EMP2: variants seen among roughly 807,000 people sequenced by gnomAD.
The protein encoded by EMP2 is epithelial membrane protein 2.
EMP2 carries 19 observed loss-of-function variants against 13.7 expected under a neutral mutation model. That is an observed-to-expected ratio of 1.38 (90% CI 0.97 to 2.03). The LOEUF (loss-of-function observed/expected upper bound fraction) is 2.03, where lower values mean the gene tolerates loss of function less well. Ranked by LOEUF, EMP2 falls within the 30% of genes most tolerant of loss-of-function variation. EMP2 has a pLI of 0.00. For missense variants in EMP2, 253 were observed against 220.7 expected (o/e 1.15, Z -0.93); for synonymous variants, 97 against 84.7 (o/e 1.15, Z -0.80).
chr16:10,555,733 A>C (rs1002435292), intron 1 of EMP2, among the ~76,000 whole-genome samples: 1 of 152,036 alleles, frequency 6.6e-6, no homozygotes, highest in Non-Finnish European at 1.5e-5. Flanking sequence ...GATTACAGGC[A>C]TGCGCCACCA....
chr16:10,556,186 C>T (rs1251100399), intron 1 of EMP2, among the ~76,000 whole-genome samples: 1 of 152,168 alleles, frequency 6.6e-6, no homozygotes, highest in East Asian at 1.9e-4. Context: ...TTTCCCCTAG[C>T]ATTTCCAGTT....
intron 4 of EMP2, among the ~76,000 whole-genome samples, chr16:10,537,332 C>T (rs2050655020): frequency 6.6e-6 from 1 of 152,236 alleles, no homozygotes; most frequent in African/African-American, 2.4e-5. Flanking sequence ...TGAGGCTGTG[C>T]CTTGTTCATC....
chr16:10,576,767 A>C (rs1041059683), intron 1 of EMP2: 1 of 152,184 alleles, frequency 6.6e-6, no homozygotes, highest in African/African-American at 2.4e-5. Flanking sequence ...CTCATTAAGC[A>C]CCGGAGATAC....
rs530179039 is a variant in EMP2, at chr16:10,570,321, C to A, written c.-61+10228G>T. On this transcript the variant is annotated intron_variant, in intron 1 of 4. Transcript: ENST00000359543. ...GCTCACTGTAGCCTTGAATTCCTAG[C>A]CTCAAGCAATCCTCCCACCTTAGCC... 9.9e-5 allele frequency among the ~76,000 whole-genome samples: 15 copies of A among 151,640 alleles called. 1 individual carries two copies. The highest frequency in any genetic ancestry group is 3.4e-4 in the African/African-American group (14 of 41,342).
intron 1 of EMP2, among the ~76,000 whole-genome samples, chr16:10,549,877 C>CTTTTTCTTTTTTTTTTTTTTTTTTTTT (rs1567204707): frequency 7.3e-6 from 1 of 137,236 alleles, no homozygotes; most frequent in Non-Finnish European, 1.6e-5. Flanking sequence ...CTTTTTTTTT[C>CTTTTTCTTTTTTTTTTTTTTTTTTTTT]TTTTTCTTTT....
intron 1 of EMP2, among the ~76,000 whole-genome samples, chr16:10,579,188 C>T (rs2051004747): frequency 6.6e-6 from 1 of 152,180 alleles, no homozygotes; most frequent in Non-Finnish European, 1.5e-5. Context: ...GGTCGCCATC[C>T]TTCCCCTTGT....
In EMP2 at chr16:10,580,340, G is replaced by C. The variant is rs567970935; in HGVS notation, c.-61+209C>G. On this transcript the variant is annotated intron_variant, in intron 1 of 4. Transcript: ENST00000359543. The surrounding 1 kb of genome is among the most constrained non-coding windows in gnomAD (Gnocchi z 4.3). The stretch of plus-strand genomic sequence containing the variant: ...AGGCGTGGGAAGCTGTCCCGGGATG[G>C]CGAAGTGGAATTCTGGGGCCGGAGC... Among the ~76,000 whole-genome samples the C allele has an allele frequency of 1.2e-4, 18 of 152,236 alleles. No homozygotes were observed. Among genetic ancestry groups the C allele is most frequent in the Admixed American group, 9.8e-4 (15 of 15,294 alleles).
At chr16:10,554,701 A>G (rs189096699) in intron 1 of EMP2, among the ~76,000 whole-genome samples, 1 of 152,032 alleles carries the variant, frequency 6.6e-6, no homozygotes, top group African/African-American at 2.4e-5. Flanking sequence ...CCCAACCCCT[A>G]TGCCTGCCCT....
At chr16:10,540,772 G>C (rs1182398592) in intron 3 of EMP2, among the ~76,000 whole-genome samples, 2 of 152,116 alleles carry the variant, frequency 1.3e-5, no homozygotes, top group African/African-American at 4.8e-5. Flanking sequence ...AGTGATACTA[G>C]TTTATACGAG....
chr16:10,577,111 G>T (rs186686447), intron 1 of EMP2, among the ~76,000 whole-genome samples: 1 of 152,164 alleles, frequency 6.6e-6, no homozygotes, highest in Non-Finnish European at 1.5e-5. Flanking sequence ...CTAGTCCTGG[G>T]TCGGCTGCCA....
chr16:10,557,526 G>T (rs77293526), intron 1 of EMP2, among the ~76,000 whole-genome samples: 1 of 152,024 alleles, frequency 6.6e-6, no homozygotes. Context: ...TTTTTCCTTG[G>T]TATCTAAAAG....
At chr16:10,547,764 G>T in intron 1 of EMP2, 87 bp from the exon 2 acceptor site, 1 of 744,574 alleles carries the variant, frequency 1.3e-6, no homozygotes, top group Non-Finnish European at 2.2e-6. Context: ...AGCTGGGCGT[G>T]GTGGCTCATG....
At chr16:10,561,152 C>A in intron 1 of EMP2, among the ~76,000 whole-genome samples, 1 of 152,184 alleles carries the variant, frequency 6.6e-6, no homozygotes, top group Non-Finnish European at 1.5e-5. Flanking sequence ...GCAGAAGCAA[C>A]AGGACTTGAT....
At chr16:10,575,494 T>C (rs1274248129) in intron 1 of EMP2, among the ~76,000 whole-genome samples, 3 of 151,926 alleles carry the variant, frequency 2.0e-5, no homozygotes, top group Non-Finnish European at 4.4e-5. Flanking sequence ...GACCTCGTGA[T>C]CCACCTACCT....
intron 1 of EMP2, among the ~76,000 whole-genome samples, chr16:10,568,677 C>T (rs1335659817): frequency 6.6e-6 from 1 of 151,878 alleles, no homozygotes; most frequent in Non-Finnish European, 1.5e-5. Flanking sequence ...CGACAGAGAC[C>T]AAGAGGACGG....
chr16:10,560,209 T>A (rs931447752), intron 1 of EMP2, among the ~76,000 whole-genome samples: 3 of 152,218 alleles, frequency 2.0e-5, no homozygotes, highest in African/African-American at 7.2e-5. Flanking sequence ...CTTCAGATGC[T>A]GGCCACTGCT....
chr16:10,538,195 G>A, intron 3 of EMP2, 121 bp from the exon 4 acceptor site: 1 of 1,241,694 alleles, frequency 8.1e-7, no homozygotes, highest in East Asian at 2.4e-5. Flanking sequence ...AGGGGTTCAG[G>A]CGGTCGTCTA....
chr16:10,561,476 C>T (rs543661648), intron 1 of EMP2, among the ~76,000 whole-genome samples: 31 of 151,954 alleles, frequency 2.0e-4, no homozygotes, highest in South Asian at 6.3e-4. Flanking sequence ...GGGAAGGAGA[C>T]GGAGGAGTGG....
intron 1 of EMP2, among the ~76,000 whole-genome samples, chr16:10,564,268 A>T: frequency 6.6e-6 from 1 of 152,028 alleles, no homozygotes. Context: ...AGGTGGGTGG[A>T]TCACCTGAGG....
Sources: allele counts gnomAD v4.1 joint callset (sites outside exome capture counted in the v4.1 genomes callset), GRCh38; gene constraint gnomAD v4.1.1; non-coding constraint Gnocchi (gnomAD v3.1); transcripts MANE v1.5; gene names NCBI Gene and HGNC (gene_info 2026-07-23, HGNC 2026-07-21).